Variants in DST observed in about 807,000 individuals in gnomAD.
DST encodes dystonin, also known as bullous pemphigoid antigen.
A neutral mutation model predicts 875.2 loss-of-function variants in DST; 253 were observed. The observed-to-expected ratio is 0.29, with a 90% CI of 0.26 to 0.32. DST has a LOEUF of 0.32. Ranked by LOEUF, DST falls within the 10% of genes least tolerant of loss-of-function variation. The pLI, the probability that DST is intolerant of heterozygous loss-of-function variation, is 1.00. For synonymous variants in DST, 3,124 were observed against 3,197.1 expected, an observed-to-expected ratio of 0.98 and a Z score of 0.77; for missense variants, 8,287 against 9,111.6, an observed-to-expected ratio of 0.91 and a Z score of 3.68.
At chr6:56,791,055 G>A (rs534941359) in intron 4 of DST, among the ~76,000 whole-genome samples, 9 of 152,358 alleles carry the variant, frequency 5.9e-5, no homozygotes, top group Admixed American at 1.3e-4. Context: ...GGCCAAGAGA[G>A]TGGGTGAATG....
intron 3 of DST, among the ~76,000 whole-genome samples, chr6:56,888,372 CA>C (rs980687247): frequency 1.3e-5 from 2 of 152,054 alleles, no homozygotes; most frequent in African/African-American, 2.4e-5. Context: ...AGATAATTAG[CA>C]AAAGAAATTT....
rs1339573037 is a variant in DST, at chr6:56,779,774, T to G, written c.626-44485A>C. Among the ~76,000 whole-genome samples the G allele has an allele frequency of 5.3e-5, 8 of 151,458 alleles. 1 individual carries two copies. Among genetic ancestry groups the G allele is most frequent in the African/African-American group, 1.7e-4 (7 of 41,122 alleles). On this transcript the variant is annotated intron_variant, in intron 4 of 103. Coordinates refer to ENST00000680361, the MANE Select transcript of DST (RefSeq NM_001374736.1). ...AGTTTTAGGGTACATGTGCACAATA[T>G]GCAGGTTAGTTACATATGTATACAT...
At chr6:56,683,876 A>G (rs187553366) in intron 9 of DST, among the ~76,000 whole-genome samples, 1 of 152,254 alleles carries the variant, frequency 6.6e-6, no homozygotes, top group African/African-American at 2.4e-5. Context: ...CCTAGTGTCA[A>G]GCAAGAAAGC....
rs1360676541 is a variant in DST at position 56,605,930 on chromosome 6, T to C, written c.8698A>G (p.Thr2900Ala). The C allele has an allele frequency of 6.8e-6, 11 of 1,612,748 alleles. No homozygotes were observed. The highest frequency in any genetic ancestry group is 9.3e-6 in the Non-Finnish European group (11 of 1,179,470). ...TEKSNLPEYT[T>A]EIAGKSKENL... Reference sequence around the variant, plus strand: ...TCTTTGCTTTTTCCAGCAATCTCAGTTGTATATTCTGGAAGGTTGCTTTTT... The same window carrying C: ...TCTTTGCTTTTTCCAGCAATCTCAGCTGTATATTCTGGAAGGTTGCTTTTT... The change falls in exon 40 of 104, where the codon ACT becomes GCT. Residue 2900 changes from threonine to alanine, a missense_variant. By Grantham distance (58) the Thr-to-Ala change is moderately conservative (BLOSUM62 0). Around this residue, in one of 10 missense-constraint regions of DST, gnomAD observed 3,138 missense variants for 3,116.6 expected, o/e 1.01. Coordinates refer to ENST00000680361, the MANE Select transcript of DST (RefSeq NM_001374736.1).
chr6:56,593,495 C>A (rs1387327582), intron 48 of DST, among the ~76,000 whole-genome samples, 168 bp downstream of exon 48: 4 of 120,676 alleles, frequency 3.3e-5, no homozygotes, highest in African/African-American at 1.1e-4. Context: ...CCAGCCTGGG[C>A]GACAGAGTGA....
At chr6:56,486,524 T>G (rs2095574626) in intron 87 of DST, among the ~76,000 whole-genome samples, 1 of 152,120 alleles carries the variant, frequency 6.6e-6, no homozygotes, top group South Asian at 2.1e-4. Context: ...GTACAATATA[T>G]TTGAACTCTA....
At chr6:56,828,715 A>G (rs2099783661) in intron 4 of DST, among the ~76,000 whole-genome samples, 1 of 152,198 alleles carries the variant, frequency 6.6e-6, no homozygotes. Context: ...ATAAAATGAA[A>G]TAAGTGAAAA....
intron 84 of DST, 110 bp from the exon 85 acceptor site, chr6:56,492,543 T>G (rs2095784737): frequency 8.8e-6 from 10 of 1,134,614 alleles, no homozygotes; most frequent in Non-Finnish European, 1.3e-5. Flanking sequence ...AACGAAAGCT[T>G]TCGAAATACC....
At chr6:56,767,525 G>A (rs150127010) in intron 4 of DST, among the ~76,000 whole-genome samples, 11 of 152,160 alleles carry the variant, frequency 7.2e-5, no homozygotes, top group Non-Finnish European at 1.5e-4. Flanking sequence ...GCTGAGATAC[G>A]AGAATTGCTT....
chr6:56,753,353 C>T (rs2099593538), intron 4 of DST, among the ~76,000 whole-genome samples: 1 of 152,162 alleles, frequency 6.6e-6, no homozygotes, highest in African/African-American at 2.4e-5. Context: ...ATTTTCCTCT[C>T]AGTTTAGAGA....
intron 5 of DST, among the ~76,000 whole-genome samples, chr6:56,719,033 A>C (rs2099404919): frequency 6.6e-6 from 1 of 152,214 alleles, no homozygotes; most frequent in Admixed American, 6.5e-5. Context: ...ACTTAAATGA[A>C]TTTTATAATA....
At chr6:56,475,354 T>C (rs2095127828) in intron 92 of DST, among the ~76,000 whole-genome samples, 1 of 150,928 alleles carries the variant, frequency 6.6e-6, no homozygotes, top group South Asian at 2.1e-4. Flanking sequence ...CTGGTACACT[T>C]AGAGCCATTA....
Position 56,593,875 on chromosome 6 carries a change from T to C in DST, c.12514A>G (p.Thr4172Ala), listed in dbSNP as rs1209088760. 4.3e-6 allele frequency: 7 copies of C among 1,613,842 alleles called. No individual in the cohort carries two copies. The African/African-American group carries it at 8.0e-5, about 18-fold the overall frequency. ...AGADDINGLM[T>A]KLKRQKSFSE... Reference sequence around the variant, plus strand: ...AAACTCTTCTGCCTCTTCAATTTGGTCATTAAACCATTGATGTCATCTGCA... The same window carrying C: ...AAACTCTTCTGCCTCTTCAATTTGGCCATTAAACCATTGATGTCATCTGCA... Residue 4172 changes from threonine to alanine, a missense_variant, in exon 48 of 104, where the codon ACC (threonine) becomes GCC (alanine). Thr to Ala is a moderately conservative substitution (Grantham distance 58). Transcript: ENST00000680361.
chr6:56,548,576 G>A (rs1209858577), intron 61 of DST, among the ~76,000 whole-genome samples: 1 of 152,168 alleles, frequency 6.6e-6, no homozygotes, highest in Non-Finnish European at 1.5e-5. Flanking sequence ...AGATAATCTT[G>A]AGCTAGGAGT....
chr6:56,724,176 A>T (rs1293059090), intron 5 of DST, among the ~76,000 whole-genome samples: 1 of 152,214 alleles, frequency 6.6e-6, no homozygotes, highest in Non-Finnish European at 1.5e-5. Flanking sequence ...AAGTTAACAT[A>T]AAATTAAAGT....
At chr6:56,742,103 G>T (rs1379295950) in intron 4 of DST, among the ~76,000 whole-genome samples, 1 of 152,112 alleles carries the variant, frequency 6.6e-6, no homozygotes, top group Non-Finnish European at 1.5e-5. Context: ...CAATAGGCAG[G>T]GGAGTTCTCT....
chr6:56,871,951 C>A lies in DST; in HGVS notation c.418-20347G>T, dbSNP rs529009266. On this transcript the variant is annotated intron_variant, in intron 3 of 103. Transcript: ENST00000680361. ...ACGTGGCTCCTCATGCTCGCTTAGA[C>A]GTGGCTGAGGAAAGTATAAATGGGT... is the stretch of plus-strand genomic sequence containing the variant. Among the ~76,000 whole-genome samples the A allele has an allele frequency of 1.7e-4, 26 of 152,226 alleles. No homozygotes were observed. The Middle Eastern group carries it at 0.01, about 60-fold the overall frequency.
intron 37 of DST, among the ~76,000 whole-genome samples, chr6:56,611,941 C>A (rs1412420369): frequency 6.6e-6 from 1 of 152,228 alleles, no homozygotes; most frequent in African/African-American, 2.4e-5. Flanking sequence ...TTGCGCACTG[C>A]AGTCCTCAAA....
At chr6:56,781,370 C>T (rs1444714197) in intron 4 of DST, among the ~76,000 whole-genome samples, 1 of 152,140 alleles carries the variant, frequency 6.6e-6, no homozygotes, top group Non-Finnish European at 1.5e-5. Flanking sequence ...AATGTTCTTC[C>T]ATTCGTTTGT....
Sources: gnomAD v4.1 joint callset for allele counts (sites outside exome capture counted in the v4.1 genomes callset) on GRCh38, gnomAD v4.1.1 for gene constraint, gnomAD v4.1.1 regional missense constraint, MANE v1.5 for transcripts, NCBI Gene and HGNC (gene_info 2026-07-23, HGNC 2026-07-21) for gene names.